CNTNAP2: variants seen among roughly 807,000 people sequenced by gnomAD.
CNTNAP2 encodes the protein contactin-associated protein-like 2.
Under a neutral mutation model 155.2 loss-of-function variants are expected in CNTNAP2, and 98 were observed. That is an observed-to-expected ratio of 0.63 (90% CI 0.54 to 0.75). The LOEUF (loss-of-function observed/expected upper bound fraction) is 0.75. CNTNAP2 is among the 30% of genes least tolerant of loss of function. The pLI is 0.00. For missense variants in CNTNAP2, 1,727 were observed against 1,688.1 expected (o/e 1.02, Z -0.40); for synonymous variants, 651 against 631.2 (o/e 1.03, Z -0.47).
chr7:146,626,349 G>T (rs1277301370), intron 1 of CNTNAP2, among the ~76,000 whole-genome samples: 4 of 152,056 alleles, frequency 2.6e-5, no homozygotes, highest in Non-Finnish European at 5.9e-5. Flanking sequence ...TCTTACGCTT[G>T]TATCTATCAT....
At chr7:147,312,516 G>GA (rs1554467834) in intron 9 of CNTNAP2, among the ~76,000 whole-genome samples, 1 of 123,678 alleles carries the variant, frequency 8.1e-6, no homozygotes, top group Non-Finnish European at 1.6e-5. Flanking sequence ...GTGGTGTTCA[G>GA]TTTTTTGTCC....
intron 21 of CNTNAP2, among the ~76,000 whole-genome samples, chr7:148,293,487 T>C (rs1311308012): frequency 6.6e-6 from 1 of 152,212 alleles, no homozygotes; most frequent in Non-Finnish European, 1.5e-5. Context: ...GGGTTAGGAA[T>C]TGGTCTGTAG....
At chr7:147,105,873 T>A (rs1481538878) in intron 4 of CNTNAP2, among the ~76,000 whole-genome samples, 1 of 152,060 alleles carries the variant, frequency 6.6e-6, no homozygotes, top group East Asian at 1.9e-4. Flanking sequence ...ATTTGTAAAG[T>A]GAGACTTGGT....
intron 3 of CNTNAP2, among the ~76,000 whole-genome samples, chr7:146,904,472 T>C (rs1192470223): frequency 6.6e-6 from 1 of 151,474 alleles, no homozygotes; most frequent in Non-Finnish European, 1.5e-5. Context: ...GAATTCATCT[T>C]TGTTTGTTTG....
At chr7:146,798,979 T>A (rs915649891) in intron 2 of CNTNAP2, among the ~76,000 whole-genome samples, 1 of 152,190 alleles carries the variant, frequency 6.6e-6, no homozygotes, top group Non-Finnish European at 1.5e-5. Context: ...AGACTATAGA[T>A]AAATATCCTC....
At chr7:146,955,084 T>G (rs773070726) in intron 3 of CNTNAP2, among the ~76,000 whole-genome samples, 1 of 151,992 alleles carries the variant, frequency 6.6e-6, no homozygotes, top group Non-Finnish European at 1.5e-5. Context: ...ATAGTGTAAG[T>G]AATTTTTTGC....
chr7:146,779,797 G>A (rs533215656), intron 2 of CNTNAP2, among the ~76,000 whole-genome samples: 34 of 152,246 alleles, frequency 2.2e-4, no homozygotes, highest in African/African-American at 7.9e-4. Context: ...TGGTGATGTT[G>A]TTTTCACATT....
chr7:147,678,691 C>G (rs1197259514), intron 13 of CNTNAP2, among the ~76,000 whole-genome samples: 3 of 151,940 alleles, frequency 2.0e-5, no homozygotes, highest in Non-Finnish European at 4.4e-5. Flanking sequence ...ACTGTCTTCA[C>G]AACCACGAAA....
chr7:147,609,514 G>A (rs879888335), intron 12 of CNTNAP2, among the ~76,000 whole-genome samples: 20 of 152,098 alleles, frequency 1.3e-4, no homozygotes, highest in Admixed American at 2.6e-4. Context: ...CTGGGTGACA[G>A]AGCGAGACTC....
intron 3 of CNTNAP2, among the ~76,000 whole-genome samples, chr7:146,852,628 C>A (rs1794899950): frequency 1.3e-5 from 2 of 152,232 alleles, no homozygotes; most frequent in African/African-American, 2.4e-5. Flanking sequence ...TGGATTCCAG[C>A]AAACATGCAT....
intron 1 of CNTNAP2, among the ~76,000 whole-genome samples, chr7:146,231,942 C>T (rs1333643320): frequency 1.3e-5 from 2 of 152,128 alleles, no homozygotes; most frequent in African/African-American, 2.4e-5. Flanking sequence ...ACCATGCAAA[C>T]ACATTTTTTT....
rs1025436390 is a variant in CNTNAP2, at chr7:147,364,687, A to C, written c.1499-30922A>C. Among the ~76,000 whole-genome samples the C allele has an allele frequency of 3.3e-5, 5 of 151,838 alleles. No homozygotes were observed. In the South Asian group the frequency reaches 6.2e-4, roughly 19 times the overall value. ...ACACGGTGAAACCCCGTCTCTGCTA[A>C]AAATACAAAAAATTAGCCGGGAATG... On this transcript the variant is annotated intron_variant, in intron 9 of 23. Coordinates refer to ENST00000361727, the MANE Select transcript of CNTNAP2 (RefSeq NM_014141.6).
chr7:148,048,416 CT>C (rs1802815768), intron 15 of CNTNAP2, among the ~76,000 whole-genome samples: 1 of 152,170 alleles, frequency 6.6e-6, no homozygotes. Flanking sequence ...TCCTTTCCCC[CT>C]CTCCCTTCCC....
chr7:146,999,605 G>T (rs1351758439), intron 3 of CNTNAP2, among the ~76,000 whole-genome samples: 8 of 151,900 alleles, frequency 5.3e-5, no homozygotes, highest in Admixed American at 5.3e-4. Context: ...GTGTTTGTCT[G>T]GGAAATTATT....
At chr7:148,258,124 G>T (rs747796520) in intron 20 of CNTNAP2, among the ~76,000 whole-genome samples, 1 of 152,218 alleles carries the variant, frequency 6.6e-6, no homozygotes, top group Non-Finnish European at 1.5e-5. Context: ...CCAGAGGTGA[G>T]GTGTTAGCCA....
intron 3 of CNTNAP2, among the ~76,000 whole-genome samples, chr7:147,015,817 A>G (rs983985007): frequency 1.3e-5 from 2 of 152,098 alleles, no homozygotes; most frequent in South Asian, 2.1e-4. Context: ...CTTATATTCT[A>G]TCTCTAATAT....
intron 2 of CNTNAP2, among the ~76,000 whole-genome samples, chr7:146,827,025 TAC>T (rs1803418596): frequency 2.0e-5 from 3 of 151,916 alleles, no homozygotes; most frequent in African/African-American, 7.2e-5. Flanking sequence ...TTTTTTCAAT[TAC>T]AATTCAATTT....
chr7:147,987,575 G>A lies in CNTNAP2; in HGVS notation c.2383+9586G>A, dbSNP rs560796421. On this transcript the variant is annotated intron_variant, in intron 15 of 23. Coordinates refer to ENST00000361727, the MANE Select transcript of CNTNAP2 (RefSeq NM_014141.6). The stretch of plus-strand genomic sequence containing the variant: ...TAAAATATTTGAAGACATTTATTCT[G>A]AGCCAAATATGAGTGACCATGGCCC... Among the ~76,000 whole-genome samples the A allele has an allele frequency of 2.6e-5, 4 of 152,344 alleles. No individual in the cohort carries two copies. In the South Asian group the frequency reaches 8.3e-4, roughly 32 times the overall value.
chr7:148,212,986 G>A (rs1162583602), intron 18 of CNTNAP2, among the ~76,000 whole-genome samples: 2 of 152,170 alleles, frequency 1.3e-5, no homozygotes, highest in South Asian at 4.2e-4. Flanking sequence ...GCATATTTTT[G>A]GATTGTTTAT....
Sources: allele counts gnomAD v4.1 joint callset (sites outside exome capture counted in the v4.1 genomes callset), GRCh38; gene constraint gnomAD v4.1.1; transcripts MANE v1.5; gene names NCBI Gene and HGNC (gene_info 2026-07-23, HGNC 2026-07-21).